The following RHBDD2 variants were observed in gnomAD, a reference collection of about 807,000 sequenced individuals.
RHBDD2 encodes rhomboid domain containing 2, also known as rhomboid domain-containing protein 2.
RHBDD2 carries 13 observed loss-of-function variants against 21.7 expected under a neutral mutation model. The ratio of observed to expected loss-of-function variants is 0.60; its 90% confidence interval spans 0.39 to 0.95. RHBDD2 has a LOEUF of 0.95. Ranked by LOEUF, RHBDD2 falls within the 40% of genes least tolerant of loss-of-function variation. RHBDD2 has a pLI of 0.00. For missense variants in RHBDD2, 473 were observed against 478.9 expected (o/e 0.99, Z 0.11); for synonymous variants, 225 against 220.0 (o/e 1.02, Z -0.20).
chr7:75,883,931 G>A, intron 3 of RHBDD2, 83 bp downstream of exon 3: 4 of 1,188,902 alleles, frequency 3.4e-6, no homozygotes, highest in South Asian at 1.6e-5. Context: ...GTCTCACTCT[G>A]TCACCCAGGC....
chr7:75,883,998 T>G (rs1473195998), intron 3 of RHBDD2, 150 bp downstream of exon 3: 2 of 562,134 alleles, frequency 3.6e-6, no homozygotes, highest in African/African-American at 1.9e-5. Flanking sequence ...GTTCAAGTGA[T>G]TCTTCTGCCT....
chr7:75,887,917 GC>G, intron 3 of RHBDD2, 74 bp from the exon 4 acceptor site: 1 of 1,281,724 alleles, frequency 7.8e-7, no homozygotes, highest in Admixed American at 1.9e-5. Flanking sequence ...GAAAGCGGGG[GC>G]AACCTCAAGC....
intron 2 of RHBDD2, among the ~76,000 whole-genome samples, chr7:75,882,821 G>A (rs149354659): frequency 1.6e-4 from 24 of 152,146 alleles, no homozygotes; most frequent in African/African-American, 4.6e-4. Context: ...AGCTCTTTTC[G>A]GGAGAGTCTA....
At chr7:75,880,804 C>T (rs1456772920) in intron 1 of RHBDD2, among the ~76,000 whole-genome samples, 1 of 152,162 alleles carries the variant, frequency 6.6e-6, no homozygotes, top group Non-Finnish European at 1.5e-5. Context: ...TAGCTCACTG[C>T]AGCGTTCAAC....
chr7:75,880,676 A>C (rs113221574), intron 1 of RHBDD2, among the ~76,000 whole-genome samples: 63 of 152,180 alleles, frequency 4.1e-4, no homozygotes, highest in African/African-American at 1.5e-3. Flanking sequence ...TCTCTCCTTG[A>C]GTTTAGTCGT....
At chr7:75,881,776 T>A in intron 1 of RHBDD2, 53 bp from the exon 2 acceptor site, 1 of 1,526,174 alleles carries the variant, frequency 6.6e-7, no homozygotes, top group Non-Finnish European at 8.8e-7. Flanking sequence ...ATAACCTGGC[T>A]TCCCTCCTGG....
At chr7:75,885,593 T>C (rs1554543692) in intron 3 of RHBDD2, among the ~76,000 whole-genome samples, 2 of 152,190 alleles carry the variant, frequency 1.3e-5, no homozygotes, top group African/African-American at 4.8e-5. Flanking sequence ...GGGTCATTTA[T>C]AAGAAAAGAG....
rs1805475631 is a variant in RHBDD2 at position 75,883,769 on chromosome 7, T to TTCAGCCTGATGAGGAGGATA, written c.661_680dup (p.Val228AlafsTer2). The TTCAGCCTGATGAGGAGGATA allele has an allele frequency of 6.2e-7, 1 of 1,613,416 alleles. No individual in the cohort carries two copies. The highest frequency in any genetic ancestry group is 1.1e-5 in the South Asian group (1 of 91,074). ...ACTGAAGCTCGATCAGACCTTCCCC[T>TTCAGCCTGATGAGGAGGATA]TCAGCCTGATGAGGAGGATATCCGT... is the stretch of plus-strand genomic sequence containing the variant. On this transcript the variant is annotated frameshift_variant, in exon 3 of 4. Transcript: ENST00000006777. LOFTEE classifies it high-confidence loss of function.
At chr7:75,881,335 T>A (rs1233726729) in intron 1 of RHBDD2, 2 of 1,289,330 alleles carry the variant, frequency 1.6e-6, no homozygotes, top group African/African-American at 3.0e-5. Context: ...GCAAAATAAT[T>A]CATGGTCCCT....
chr7:75,881,914 C>T lies in RHBDD2; in HGVS notation c.264C>T (p.Gly88=), dbSNP rs782392008. 1.9e-5 allele frequency: 31 copies of T among 1,614,098 alleles called. No individual in the cohort carries two copies. The highest frequency in any genetic ancestry group is 1.6e-4 in the Middle Eastern group (1 of 6,084). The change falls in exon 2 of 4, where the codon GGC becomes GGT. Residue 88 remains glycine, a synonymous_variant. Coordinates refer to ENST00000006777, the MANE Select transcript of RHBDD2 (RefSeq NM_001040456.3). ...CTATCATCATCTGGCGCTTTGCTGG[C>T]AATTTCGAGAGAACCGTGGGCACCG... ...CGAIIIWRFA[G]NFERTVGTVR... is the part of the protein sequence containing the mutation.
intron 1 of RHBDD2, chr7:75,881,591 C>G: frequency 8.0e-7 from 1 of 1,249,444 alleles, no homozygotes; most frequent in South Asian, 1.6e-5. Context: ...AAGTCAGTTA[C>G]CGCTAAGAGT....
intron 2 of RHBDD2, among the ~76,000 whole-genome samples, chr7:75,883,278 T>C (rs1805440304): frequency 6.6e-6 from 1 of 152,020 alleles, no homozygotes; most frequent in Non-Finnish European, 1.5e-5. Context: ...ACTAGCACTT[T>C]GGGAGGCTGA....
At position 75,879,144 on chromosome 7, in the gene RHBDD2, C is replaced by T. The variant is rs782333133; in HGVS notation, c.62C>T (p.Thr21Ile). The change falls in exon 1 of 4, where the codon ACC becomes ATC. Residue 21 changes from threonine to isoleucine, a missense_variant. Coordinates refer to ENST00000006777, the MANE Select transcript of RHBDD2 (RefSeq NM_001040456.3). ...WCLCPEVPSA[T>I]FFTALLSLLV... is the part of the protein sequence containing the mutation. ...TTGTGTCCCGAGGTGCCATCCGCCA[C>T]CTTCTTCACTGCGCTGCTCTCGCTG... 10 of 1,463,462 alleles carry T rather than the reference C, an allele frequency of 6.8e-6. No individual in the cohort carries two copies. In the South Asian group the frequency reaches 1.2e-4, roughly 17 times the overall value. 90.7% of individuals were successfully genotyped at this position (1,463,462 alleles called of 1,614,324 possible).
rs1554541883 is a variant in RHBDD2 at position 75,879,034 on chromosome 7, A to G, written c.-49A>G. 1.3e-5 allele frequency: 17 copies of G among 1,357,448 alleles called. No individual in the cohort carries two copies. Among genetic ancestry groups the G allele is most frequent in the Admixed American group, 7.7e-5 (2 of 26,122 alleles). 84.1% of individuals were successfully genotyped at this position (1,357,448 alleles called of 1,614,324 possible). A position where few individuals can be genotyped will look rare whatever the true frequency, so the allele number is the denominator to read the frequency against. ...ACTGCCGCGAGGAGGCGGAAGGAGC[A>G]GAGGACCGGCAGCCGGCGTCGAGGC... On this transcript the variant is annotated 5_prime_UTR_variant, in exon 1 of 4. Coordinates refer to ENST00000006777, the MANE Select transcript of RHBDD2 (RefSeq NM_001040456.3).
chr7:75,881,359 G>A (rs1554542425), intron 1 of RHBDD2: 2 of 1,290,504 alleles, frequency 1.5e-6, no homozygotes, highest in South Asian at 2.5e-5. Flanking sequence ...TTCTTCCTCT[G>A]AACAGCCACT....
intron 3 of RHBDD2, among the ~76,000 whole-genome samples, chr7:75,884,399 T>C (rs1805527457): frequency 6.6e-6 from 1 of 152,068 alleles, no homozygotes; most frequent in Admixed American, 6.6e-5. Context: ...CTTAAATTTT[T>C]TGTAGGGACA....
intron 3 of RHBDD2, among the ~76,000 whole-genome samples, chr7:75,886,298 G>A (rs782559566): frequency 5.9e-5 from 9 of 152,104 alleles, no homozygotes; most frequent in Non-Finnish European, 8.8e-5. Context: ...ACAGAAATGC[G>A]GACTCACCGC....
intron 3 of RHBDD2, among the ~76,000 whole-genome samples, chr7:75,885,728 T>TTAAACACCCAGCTCTTACC (rs1805620155): frequency 6.6e-6 from 1 of 152,054 alleles, no homozygotes; most frequent in Non-Finnish European, 1.5e-5. Context: ...TGCTGGGCTC[T>TTAAACACCCAGCTCTTACC]TAAACACCCA....
At position 75,883,542 on chromosome 7, in the gene RHBDD2, T is replaced by C; in HGVS notation, c.587-156T>C. ...TCAAAAAAAAAAACAAACCTTTGGC[T>C]CTGGGTTTCCCCTGAGCTGCAAACT... On this transcript the variant is annotated intron_variant, in intron 2 of 3. Transcript: ENST00000006777. The C allele has an allele frequency of 8.1e-6, 5 of 614,534 alleles. No individual in the cohort carries two copies. The South Asian group carries it at 8.8e-5, about 11-fold the overall frequency. The allele number at this position is 614,534 out of a possible 1,614,324, so 38.1% of individuals were successfully genotyped here.
Sources: gnomAD v4.1 joint callset for allele counts (sites outside exome capture counted in the v4.1 genomes callset) on GRCh38, gnomAD v4.1.1 for gene constraint, MANE v1.5 for transcripts, NCBI Gene and HGNC (gene_info 2026-07-23, HGNC 2026-07-21) for gene names.